Variants in CAPN9 observed in about 807,000 individuals in gnomAD.
CAPN9 encodes the protein calpain-9.
In CAPN9, 81 loss-of-function variants were observed where a neutral mutation model predicts 92.8. That is an observed-to-expected ratio of 0.87 (90% CI 0.73 to 1.05). The LOEUF (loss-of-function observed/expected upper bound fraction) is 1.05. Ranked by LOEUF, CAPN9 falls within the 50% of genes least tolerant of loss-of-function variation. The probability of loss-of-function intolerance (pLI) is 0.00; values close to 1 mark genes in which losing one functional copy is unlikely to be tolerated. For missense variants in CAPN9, 848 were observed against 866.2 expected (o/e 0.98, Z 0.26); for synonymous variants, 304 against 328.0 (o/e 0.93, Z 0.79).
At chr1:230,750,373 C>T (rs1664689261) in intron 1 of CAPN9, among the ~76,000 whole-genome samples, 1 of 152,214 alleles carries the variant, frequency 6.6e-6, no homozygotes, top group Non-Finnish European at 1.5e-5. Context: ...CCTTTGTCTG[C>T]AACTGAAGAT....
At chr1:230,749,633 G>T (rs1006687759) in intron 1 of CAPN9, among the ~76,000 whole-genome samples, 1 of 152,198 alleles carries the variant, frequency 6.6e-6, no homozygotes, top group African/African-American at 2.4e-5. Flanking sequence ...TTGATCCAGG[G>T]TTTCATACAG....
chr1:230,766,052 C>T lies in CAPN9; in HGVS notation c.537-1489C>T, dbSNP rs115378807. Among the ~76,000 whole-genome samples the T allele has an allele frequency of 2.2e-3, 333 of 152,046 alleles. 4 individuals carry two copies. Among genetic ancestry groups the T allele is most frequent in the African/African-American group, 7.8e-3 (322 of 41,466 alleles). On this transcript the variant is annotated intron_variant, in intron 4 of 19. Coordinates refer to ENST00000271971, the MANE Select transcript of CAPN9 (RefSeq NM_006615.3). ...AGATGAGAGGGGAGCTTTACCTCTC[C>T]GGTCTTCCTTCCACTAACCAATAGC...
In CAPN9 at chr1:230,772,184, C is replaced by T. The variant is rs566459247; in HGVS notation, c.875+85C>T. ...CTTGTGCAGACATGTGAAGGAGTGGCCTGTCTACTATCCTCCCGGGCTCTG... is the reference window on the plus strand; with the variant it reads ...CTTGTGCAGACATGTGAAGGAGTGGTCTGTCTACTATCCTCCCGGGCTCTG... On this transcript the variant is annotated intron_variant, in intron 7 of 19. Coordinates refer to ENST00000271971, the MANE Select transcript of CAPN9 (RefSeq NM_006615.3). 1.5e-5 allele frequency: 17 copies of T among 1,106,234 alleles called. No individual in the cohort carries two copies. In the East Asian group the frequency reaches 2.1e-4, roughly 14 times the overall value. The allele number at this position is 1,106,234 out of a possible 1,614,324, so 68.5% of individuals were successfully genotyped here.
chr1:230,757,699 T>C (rs1378956091), intron 2 of CAPN9, among the ~76,000 whole-genome samples: 2 of 120,384 alleles, frequency 1.7e-5, no homozygotes, highest in East Asian at 5.1e-4. Flanking sequence ...CTGGGCAACA[T>C]AGCAAGACCA....
chr1:230,800,282 G>T (rs567103952), intron 19 of CAPN9, among the ~76,000 whole-genome samples: 7 of 131,944 alleles, frequency 5.3e-5, no homozygotes, highest in African/African-American at 2.0e-4. Context: ...AAGAAAGAAA[G>T]AAAGAAAGAA....
chr1:230,795,190 A>T lies in CAPN9; in HGVS notation c.1898A>T (p.Gln633Leu). Residue 633 changes from glutamine (Q) to leucine (L), a missense_variant, in exon 18 of 20, where the codon CAG (glutamine) becomes CTG (leucine). Transcript: ENST00000271971. Reference sequence around the variant, plus strand: ...TTTCAGCTGAGCAGCCACCTCCTGCAGCTGATTGTGCTCAGGTATGCGGAT... The same window carrying T: ...TTTCAGCTGAGCAGCCACCTCCTGCTGCTGATTGTGCTCAGGTATGCGGAT... ...AGFQLSSHLL[Q>L]LIVLRYADEE... The T allele has an allele frequency of 6.2e-7, 1 of 1,612,962 alleles. No individual in the cohort carries two copies. Among genetic ancestry groups the T allele is most frequent in the Non-Finnish European group, 8.5e-7 (1 of 1,179,306 alleles).
intron 3 of CAPN9, among the ~76,000 whole-genome samples, chr1:230,761,932 C>T (rs531591472): frequency 1.2e-4 from 19 of 152,316 alleles, no homozygotes; most frequent in East Asian, 5.8e-4. Flanking sequence ...CAAACACATG[C>T]ATGCACACAT....
chr1:230,793,220 A>G (rs1193139335), intron 17 of CAPN9, among the ~76,000 whole-genome samples: 1 of 152,210 alleles, frequency 6.6e-6, no homozygotes, highest in Admixed American at 6.5e-5. Context: ...ATAGCCTCTG[A>G]CCATGTTTTC....
At position 230,792,467 on chromosome 1, in the gene CAPN9, G is replaced by A. The variant is rs1243198779; in HGVS notation, c.1764G>A (p.Val588=). The A allele has an allele frequency of 6.2e-7, 1 of 1,614,162 alleles. No homozygotes were observed. Among genetic ancestry groups the A allele is most frequent in the Admixed American group, 1.7e-5 (1 of 60,030 alleles). Reference sequence around the variant, plus strand: ...AGCTGGAGTTTGATGAATTCAAAGTGTTCTGGGACAAGCTGAAGCAGTGGA... The same window carrying A: ...AGCTGGAGTTTGATGAATTCAAAGTATTCTGGGACAAGCTGAAGCAGTGGA... ...NGKLEFDEFK[V]FWDKLKQWIN... The change falls in exon 16 of 20, where the codon GTG becomes GTA. Residue 588 remains valine (V), a synonymous_variant. Coordinates refer to ENST00000271971, the MANE Select transcript of CAPN9 (RefSeq NM_006615.3).
At chr1:230,778,591 T>C (rs1666985199) in intron 8 of CAPN9, among the ~76,000 whole-genome samples, 1 of 152,192 alleles carries the variant, frequency 6.6e-6, no homozygotes, top group Non-Finnish European at 1.5e-5. Flanking sequence ...TCCATCTGCC[T>C]AGACCCCCAG....
chr1:230,753,307 C>T (rs1431637574), intron 1 of CAPN9, among the ~76,000 whole-genome samples: 1 of 152,202 alleles, frequency 6.6e-6, no homozygotes, highest in Non-Finnish European at 1.5e-5. Context: ...TCTAAAAACA[C>T]CCCGTGTTCT....
intron 6 of CAPN9, among the ~76,000 whole-genome samples, chr1:230,769,610 CACACACCT>C (rs1398303633): frequency 1.3e-5 from 2 of 150,844 alleles, no homozygotes; most frequent in African/African-American, 4.9e-5. Flanking sequence ...ATTAAACACA[CACACACCT>C]ATCTATCTAT....
intron 1 of CAPN9, 114 bp downstream of exon 1, chr1:230,747,823 G>T (rs28359584): frequency 0.06 from 51,847 of 857,110 alleles, 4,137 homozygotes; most frequent in East Asian, 0.34. Flanking sequence ...TGCAACTGAG[G>T]TGCATCATCC....
rs934430454 is a variant in CAPN9 at position 230,780,212 on chromosome 1, C to T, written c.1148C>T (p.Ser383Phe). 1.2e-6 allele frequency: 2 copies of T among 1,613,912 alleles called. No individual in the cohort carries two copies. Among genetic ancestry groups the T allele is most frequent in the African/African-American group, 2.7e-5 (2 of 74,960 alleles). The stretch of plus-strand genomic sequence containing the variant: ...TGGACCAATCCACAAATAAAATTGT[C>T]TCTGACTGAGAAAGATGAGGGGCAG... ...TFWTNPQIKLSLTEKDEGQEE... is the reference protein window; with the variant it reads ...TFWTNPQIKLFLTEKDEGQEE... The change falls in exon 10 of 20, where the codon TCT becomes TTT. Residue 383 changes from serine to phenylalanine, a missense_variant. Transcript: ENST00000271971.
At chr1:230,782,988 G>A (rs889550581) in intron 11 of CAPN9, among the ~76,000 whole-genome samples, 2 of 152,178 alleles carry the variant, frequency 1.3e-5, no homozygotes, top group Admixed American at 1.3e-4. Context: ...TTGCACTCCA[G>A]CCTGTGCCAC....
At chr1:230,773,773 G>A (rs929390752) in intron 7 of CAPN9, among the ~76,000 whole-genome samples, 1 of 152,166 alleles carries the variant, frequency 6.6e-6, no homozygotes, top group African/African-American at 2.4e-5. Flanking sequence ...CCTCCCCTTG[G>A]ATCACCTGAG....
chr1:230,763,639 G>A (rs1170803058), intron 4 of CAPN9, among the ~76,000 whole-genome samples: 1 of 152,198 alleles, frequency 6.6e-6, no homozygotes, highest in Non-Finnish European at 1.5e-5. Context: ...TTCAGGTTCA[G>A]CCTGGATCTT....
At chr1:230,767,284 G>T (rs1035710326) in intron 4 of CAPN9, among the ~76,000 whole-genome samples, 9 of 152,058 alleles carry the variant, frequency 5.9e-5, no homozygotes, top group Non-Finnish European at 1.3e-4. Context: ...TTGAACCTGC[G>T]GCCACTCAGG....
At chr1:230,792,992 A>C in intron 17 of CAPN9, 64 bp downstream of exon 17, 1 of 1,214,496 alleles carries the variant, frequency 8.2e-7, no homozygotes, top group Non-Finnish European at 1.2e-6. Flanking sequence ...GGGCAACCTG[A>C]GCAGATGGCA....
Sources: allele counts gnomAD v4.1 joint callset (sites outside exome capture counted in the v4.1 genomes callset), GRCh38; gene constraint gnomAD v4.1.1; transcripts MANE v1.5; gene names NCBI Gene and HGNC (gene_info 2026-07-23, HGNC 2026-07-21).